Variants in FBXO2 observed in about 807,000 individuals in gnomAD.
FBXO2 encodes the protein F-box only protein 2.
Under a neutral mutation model 38.6 loss-of-function variants are expected in FBXO2, and 32 were observed. That is an observed-to-expected ratio of 0.83 (90% confidence interval 0.62 to 1.11). FBXO2 has a LOEUF of 1.11. Ranked by LOEUF, FBXO2 falls within the 50% of genes most tolerant of loss-of-function variation. The pLI is 0.00. For missense variants in FBXO2, 450 were observed against 418.3 expected (o/e 1.08, Z -0.66); for synonymous variants, 189 against 182.9 (o/e 1.03, Z -0.27).
In FBXO2 at chr1:11,649,411, A is replaced by C; in HGVS notation, c.618-186T>G. The C allele has an allele frequency of 6.4e-6, 4 of 621,944 alleles. No individual in the cohort carries two copies. The South Asian group carries it at 7.9e-5, about 12-fold the overall frequency. 38.5% of individuals were successfully genotyped at this position (621,944 alleles called of 1,614,324 possible). A position where few individuals can be genotyped will look rare whatever the true frequency, so the allele number is the denominator to read the frequency against. On this transcript the variant is annotated intron_variant, in intron 4 of 5. Transcript: ENST00000354287. ...AAGGGAAACGAGGCCAGCAAGAGAA[A>C]GTGACAGCCCACGAGCGAAACACGA...
intron 1 of FBXO2, among the ~76,000 whole-genome samples, chr1:11,653,041 G>C (rs1220110251): frequency 6.6e-6 from 1 of 152,228 alleles, no homozygotes; most frequent in Non-Finnish European, 1.5e-5. Context: ...AGGCTTAACA[G>C]CTTCTCCCAG....
Position 11,648,863 on chromosome 1 carries a change from G to A in FBXO2, c.757-35C>T, listed in dbSNP as rs201772933. The stretch of plus-strand genomic sequence containing the variant: ...GAGGTAACAAGAGTCAGCCTCGGAG[G>A]TCCTGAGGCCTCTCCTGCCGCCCCA... On this transcript the variant is annotated intron_variant, in intron 5 of 5. Coordinates refer to ENST00000354287, the MANE Select transcript of FBXO2 (RefSeq NM_012168.6). This position sits in a 1 kb window ranked among gnomAD's most constrained non-coding sequence, Gnocchi z 4.2. 1,457 of 1,610,670 alleles carry A rather than the reference G, an allele frequency of 9.0e-4. 9 individuals are homozygous for A. The African/African-American group carries it at 0.016, about 18-fold the overall frequency.
At chr1:11,654,163 T>C (rs1200056395) in intron 1 of FBXO2, 156 bp downstream of exon 1, 1 of 751,122 alleles carries the variant, frequency 1.3e-6, no homozygotes, top group Non-Finnish European at 2.0e-6. Flanking sequence ...CAGAGAGACG[T>C]GCTCTTTGGA....
intron 2 of FBXO2, 89 bp from the exon 3 acceptor site, chr1:11,650,163 C>T (rs932984395): frequency 4.3e-5 from 67 of 1,562,488 alleles, no homozygotes; most frequent in South Asian, 5.8e-5. Flanking sequence ...GGGCAAAGGT[C>T]GCACTTGGTG....
In FBXO2 at chr1:11,648,812, G is replaced by T; in HGVS notation, c.773C>A (p.Thr258Asn). ...GGWMEISHTF[T>N]DYGPGVRFVR... The stretch of plus-strand genomic sequence containing the variant: ...GAAGCGGACGCCCGGCCCGTAGTCG[G>T]TGAAGGTGTGGGAGATCTGGGGGTG... Residue 258 changes from threonine (T) to asparagine (N), a missense_variant, in exon 6 of 6, where the codon ACC becomes AAC. Transcript: ENST00000354287. This position sits in a 1 kb window ranked among gnomAD's most constrained non-coding sequence, Gnocchi z 4.2. 4 of 1,613,714 alleles carry T rather than the reference G, an allele frequency of 2.5e-6. No individual in the cohort carries two copies. In the South Asian group the frequency reaches 4.4e-5, roughly 18 times the overall value.
At chr1:11,649,344 A>T (rs1243181799) in intron 4 of FBXO2, 119 bp from the exon 5 acceptor site, 4 of 840,348 alleles carry the variant, frequency 4.8e-6, no homozygotes, top group Admixed American at 5.0e-5. Context: ...TGCGCCCAAC[A>T]TCCCTGTCAG....
intron 4 of FBXO2, 138 bp from the exon 5 acceptor site, chr1:11,649,363 G>A: frequency 1.4e-6 from 1 of 717,398 alleles, no homozygotes; most frequent in South Asian, 1.9e-5. Context: ...AGCCAGCACT[G>A]CCAGTGTTCC....
chr1:11,650,803 C>A lies in FBXO2; in HGVS notation c.54G>T (p.Pro18=). Reference sequence around the variant, plus strand: ...CACTCGCCTCCTCTGGCTGCTCCTCCGGGCTTGCCTCCTCGGGCTGGCCCA... The same window carrying A: ...CACTCGCCTCCTCTGGCTGCTCCTCAGGGCTTGCCTCCTCGGGCTGGCCCA... ...ESVGQPEEAS[P]EEQPEEASAE... The change falls in exon 2 of 6, where the codon CCG becomes CCT. Residue 18 remains proline, a synonymous_variant. Transcript: ENST00000354287. The A allele has an allele frequency of 6.5e-7, 1 of 1,541,662 alleles. No individual in the cohort carries two copies.
At position 11,648,619 on chromosome 1, in the gene FBXO2, T is replaced by G. The variant is rs1639455279; in HGVS notation, c.*75A>C. Reference sequence around the variant, plus strand: ...TGGCTTGGGGAAGGTGAGGACGCTATGGACTAAGTTAAGGCCTATCTACCC... The same window carrying G: ...TGGCTTGGGGAAGGTGAGGACGCTAGGGACTAAGTTAAGGCCTATCTACCC... On this transcript the variant is annotated 3_prime_UTR_variant, in exon 6 of 6. Coordinates refer to ENST00000354287, the MANE Select transcript of FBXO2 (RefSeq NM_012168.6). The surrounding 1 kb of genome is among the most constrained non-coding windows in gnomAD (Gnocchi z 4.2). 1 of 1,566,034 alleles carries G rather than the reference T, an allele frequency of 6.4e-7. No individual in the cohort carries two copies. Among genetic ancestry groups the G allele is most frequent in the African/African-American group, 1.3e-5 (1 of 74,152 alleles).
chr1:11,649,376 GT>G, intron 4 of FBXO2, 151 bp from the exon 5 acceptor site: 1 of 674,426 alleles, frequency 1.5e-6, no homozygotes, highest in Non-Finnish European at 2.5e-6. Flanking sequence ...AGTGTTCCCA[GT>G]TTACAGATAA....
At chr1:11,649,740 C>G (rs773814911) in intron 4 of FBXO2, 39 bp downstream of exon 4, 2 of 1,602,522 alleles carry the variant, frequency 1.2e-6, no homozygotes, top group Non-Finnish European at 1.7e-6. Context: ...TGCCTTACCC[C>G]GCTCCTCCCA....
In FBXO2 at chr1:11,648,614, C is replaced by A. The variant is rs901413391; in HGVS notation, c.*80G>T. On this transcript the variant is annotated 3_prime_UTR_variant, in exon 6 of 6. Coordinates refer to ENST00000354287, the MANE Select transcript of FBXO2 (RefSeq NM_012168.6). This position sits in a 1 kb window ranked among gnomAD's most constrained non-coding sequence, Gnocchi z 4.2. Reference sequence around the variant, plus strand: ...ATGTGTGGCTTGGGGAAGGTGAGGACGCTATGGACTAAGTTAAGGCCTATC... The same window carrying A: ...ATGTGTGGCTTGGGGAAGGTGAGGAAGCTATGGACTAAGTTAAGGCCTATC... The A allele has an allele frequency of 1.7e-5, 26 of 1,544,140 alleles. No individual in the cohort carries two copies. The highest frequency in any genetic ancestry group is 1.7e-4 in the Middle Eastern group (1 of 5,854).
intron 1 of FBXO2, among the ~76,000 whole-genome samples, chr1:11,653,682 G>A (rs1639586673): frequency 6.6e-6 from 1 of 152,180 alleles, no homozygotes; most frequent in South Asian, 2.1e-4. Flanking sequence ...GACTCAGCAG[G>A]CAACCCCTGC....
Position 11,648,973 on chromosome 1 carries a change from C to CAGCCA in FBXO2, c.756+113_756+114insTGGCT. The CAGCCA allele has an allele frequency of 8.9e-7, 1 of 1,128,118 alleles. No individual in the cohort carries two copies. Among genetic ancestry groups the CAGCCA allele is most frequent in the Non-Finnish European group, 1.2e-6 (1 of 827,698 alleles). The allele number at this position is 1,128,118 out of a possible 1,614,324, so 69.9% of individuals were successfully genotyped here. The stretch of plus-strand genomic sequence containing the variant: ...TCTCTCCACCACCCGGTGACTATCT[C>CAGCCA]AGCCCAGCCCAGCCCAGCCCACCCC... On this transcript the variant is annotated intron_variant, in intron 5 of 5. Coordinates refer to ENST00000354287, the MANE Select transcript of FBXO2 (RefSeq NM_012168.6). The surrounding 1 kb of genome is among the most constrained non-coding windows in gnomAD (Gnocchi z 4.2).
chr1:11,652,811 C>T (rs1281926226), intron 1 of FBXO2, among the ~76,000 whole-genome samples: 1 of 152,172 alleles, frequency 6.6e-6, no homozygotes, highest in African/African-American at 2.4e-5. Context: ...CAGCCCCTAA[C>T]CTCCTCATAT....
chr1:11,651,703 ACT>A (rs1639523402), intron 1 of FBXO2, among the ~76,000 whole-genome samples: 1 of 136,768 alleles, frequency 7.3e-6, no homozygotes, highest in Non-Finnish European at 1.6e-5. Flanking sequence ...TAGGATTTTG[ACT>A]TTTTTTTTTT....
rs148874459 is a variant in FBXO2 at position 11,650,722 on chromosome 1, C to CGCGGCGGCG, written c.126_134dup (p.Ala43_Ala45dup). 13 of 1,526,240 alleles carry CGCGGCGGCG rather than the reference C, an allele frequency of 8.5e-6. No individual in the cohort carries two copies. The African/African-American group carries it at 1.8e-4, about 22-fold the overall frequency. 94.5% of individuals were successfully genotyped at this position (1,526,240 alleles called of 1,614,324 possible). ...GCGGCTCGGGCAGCTCGTCCAGGTA[C>CGCGGCGGCG]GCGGCGGCGGCCGCCGCCTCCTCCT... On this transcript the variant is annotated inframe_insertion, in exon 2 of 6. Coordinates refer to ENST00000354287, the MANE Select transcript of FBXO2 (RefSeq NM_012168.6).
rs1639507629 is a variant in FBXO2, at chr1:11,650,762, GGCC to G, written c.92_94del (p.Arg31del). On this transcript the variant is annotated inframe_deletion, in exon 2 of 6. Coordinates refer to ENST00000354287, the MANE Select transcript of FBXO2 (RefSeq NM_012168.6). ...CGCCTCCTCCTCCTGCTGGTCCTCC[GGCC>G]GCTCCTCCTCAGCACTCGCCTCCTC... 6.5e-7 allele frequency: 1 copy of G among 1,532,132 alleles called. No individual in the cohort carries two copies. The highest frequency in any genetic ancestry group is 2.5e-5 in the East Asian group (1 of 40,402). The allele number at this position is 1,532,132 out of a possible 1,614,324, so 94.9% of individuals were successfully genotyped here.
Position 11,654,395 on chromosome 1 carries a change from T to C in FBXO2, c.-55A>G. 2 of 1,338,744 alleles carry C rather than the reference T, an allele frequency of 1.5e-6. No homozygotes were observed. The highest frequency in any genetic ancestry group is 1.9e-6 in the Non-Finnish European group (2 of 1,047,398). 82.9% of individuals were successfully genotyped at this position (1,338,744 alleles called of 1,614,324 possible). A position where few individuals can be genotyped will look rare whatever the true frequency, so the allele number is the denominator to read the frequency against. ...GCCGGAGCGCTGCGGGCTGCGCGAG[T>C]CCCGGGGCGGCGAGTCCCGGCGCTG... On this transcript the variant is annotated 5_prime_UTR_variant, in exon 1 of 6. Transcript: ENST00000354287.
Sources: gnomAD v4.1 joint callset for allele counts (sites outside exome capture counted in the v4.1 genomes callset) on GRCh38, gnomAD v4.1.1 for gene constraint, Gnocchi (gnomAD v3.1) non-coding constraint, MANE v1.5 for transcripts, NCBI Gene and HGNC (gene_info 2026-07-23, HGNC 2026-07-21) for gene names.